The following MAN2A1 variants were observed in gnomAD, a reference collection of about 807,000 sequenced individuals.
MAN2A1 encodes the protein alpha-mannosidase 2.
MAN2A1 carries 76 observed loss-of-function variants against 142.6 expected under a neutral mutation model. The ratio of observed to expected loss-of-function variants is 0.53; its 90% CI spans 0.44 to 0.65. The LOEUF is 0.65. MAN2A1 is among the 30% of genes least tolerant of loss of function. MAN2A1 has a pLI of 0.00. For synonymous variants in MAN2A1, 559 were observed against 473.2 expected, an observed-to-expected ratio of 1.18 and a Z score of -2.35; for missense variants, 1,311 against 1,365.1, an observed-to-expected ratio of 0.96 and a Z score of 0.62.
At chr5:109,862,922 A>G (rs1186226425) in intron 20 of MAN2A1, 5 of 152,190 alleles carry the variant, frequency 3.3e-5, no homozygotes, top group Non-Finnish European at 7.4e-5. Context: ...TATGACTTTT[A>G]TCTCTATTTT....
At chr5:109,795,860 TC>T (rs1265913347) in intron 12 of MAN2A1, among the ~76,000 whole-genome samples, 1 of 152,212 alleles carries the variant, frequency 6.6e-6, no homozygotes, top group Non-Finnish European at 1.5e-5. Context: ...TTGACCATCT[TC>T]ATTTAATTGA....
chr5:109,709,436 G>A (rs1306560198), intron 1 of MAN2A1, among the ~76,000 whole-genome samples: 2 of 152,166 alleles, frequency 1.3e-5, no homozygotes, highest in African/African-American at 4.8e-5. Context: ...GCAGAGGGTT[G>A]GCCTTTGAAG....
At chr5:109,706,832 T>C (rs1006345830) in intron 1 of MAN2A1, among the ~76,000 whole-genome samples, 1 of 152,198 alleles carries the variant, frequency 6.6e-6, no homozygotes, top group African/African-American at 2.4e-5. Context: ...GTTTTGTTTC[T>C]TTTGAATGCT....
chr5:109,777,632 A>C (rs1301023598), intron 8 of MAN2A1, among the ~76,000 whole-genome samples: 1 of 152,000 alleles, frequency 6.6e-6, no homozygotes, highest in African/African-American at 2.4e-5. Context: ...ATTTTTGTTT[A>C]TCATTTGGTT....
At chr5:109,833,975 A>G (rs1423800902) in intron 16 of MAN2A1, among the ~76,000 whole-genome samples, 2 of 152,192 alleles carry the variant, frequency 1.3e-5, no homozygotes, top group Non-Finnish European at 1.5e-5. Context: ...GTTTTTGTTC[A>G]GTACCCACTA....
chr5:109,693,400 C>A (rs1173094953), intron 1 of MAN2A1, among the ~76,000 whole-genome samples: 1 of 151,124 alleles, frequency 6.6e-6, no homozygotes, highest in Non-Finnish European at 1.5e-5. Flanking sequence ...CCAAGCAGGT[C>A]GGTCACTATG....
At chr5:109,820,104 G>A (rs1315129946) in intron 14 of MAN2A1, 116 bp from the exon 15 acceptor site, 4 of 950,174 alleles carry the variant, frequency 4.2e-6, no homozygotes, top group African/African-American at 1.7e-5. Context: ...TGTGTCACTG[G>A]TCCACCAGAT....
chr5:109,815,364 G>A (rs1394594688), intron 12 of MAN2A1, among the ~76,000 whole-genome samples: 5 of 152,136 alleles, frequency 3.3e-5, no homozygotes, highest in Non-Finnish European at 7.3e-5. Context: ...CGTAAAATGG[G>A]ATTTTATCTA....
At chr5:109,706,070 A>T (rs1441334043) in intron 1 of MAN2A1, among the ~76,000 whole-genome samples, 1 of 152,214 alleles carries the variant, frequency 6.6e-6, no homozygotes, top group Non-Finnish European at 1.5e-5. Context: ...CTTTGACTAA[A>T]CATTATTCTG....
chr5:109,849,127 T>A (rs1451797951), intron 19 of MAN2A1, among the ~76,000 whole-genome samples: 4 of 152,174 alleles, frequency 2.6e-5, no homozygotes, highest in Non-Finnish European at 4.4e-5. Flanking sequence ...CAGTTCTTTA[T>A]CTCTCTAATA....
chr5:109,722,005 GGA>G (rs1359678844), intron 3 of MAN2A1, among the ~76,000 whole-genome samples: 1 of 152,194 alleles, frequency 6.6e-6, no homozygotes, highest in Non-Finnish European at 1.5e-5. Flanking sequence ...AGAAGTGGCA[GGA>G]GAGAGCATAA....
chr5:109,740,764 C>T (rs1433259200), intron 4 of MAN2A1, among the ~76,000 whole-genome samples: 1 of 152,158 alleles, frequency 6.6e-6, no homozygotes, highest in Non-Finnish European at 1.5e-5. Context: ...GCTGATTTTT[C>T]ATGCAGGGCA....
chr5:109,853,268 C>T (rs146204131), intron 19 of MAN2A1, among the ~76,000 whole-genome samples: 23 of 152,190 alleles, frequency 1.5e-4, no homozygotes, highest in Non-Finnish European at 1.3e-4. Flanking sequence ...GAGCAGTGTG[C>T]GGCTAACTCC....
chr5:109,729,269 G>T, intron 3 of MAN2A1, 73 bp from the exon 4 acceptor site: 3 of 908,702 alleles, frequency 3.3e-6, no homozygotes, highest in Non-Finnish European at 5.0e-6. Context: ...CCAAAGTAAT[G>T]CAATGGAATG....
chr5:109,815,145 A>G (rs182697340), intron 12 of MAN2A1, among the ~76,000 whole-genome samples: 1 of 152,160 alleles, frequency 6.6e-6, no homozygotes, highest in African/African-American at 2.4e-5. Context: ...CACCTTAGAA[A>G]TATAGGACAG....
Position 109,755,350 on chromosome 5 carries a change from T to A in MAN2A1, c.729T>A (p.Leu243=). Residue 243 remains leucine (L), a synonymous_variant, in exon 5 of 22, where the codon CTT becomes CTA. Coordinates refer to ENST00000261483, the MANE Select transcript of MAN2A1 (RefSeq NM_002372.4). The stretch of plus-strand genomic sequence containing the variant: ...CTAGTTTAATAGAAAATGGTCAGCT[T>A]GAAATTGTGACAGGTGGCTGGGTTA... The part of the protein sequence containing the change: ...AVKSLIENGQ[L]EIVTGGWVMP... 1 of 1,612,022 alleles carries A rather than the reference T, an allele frequency of 6.2e-7. No homozygotes were observed. Among genetic ancestry groups the A allele is most frequent in the African/African-American group, 1.3e-5 (1 of 75,020 alleles).
At position 109,695,751 on chromosome 5, in the gene MAN2A1, A is replaced by G. The variant is rs190985567; in HGVS notation, c.135+5199A>G. Among the ~76,000 whole-genome samples the G allele has an allele frequency of 2.6e-5, 4 of 152,334 alleles. No homozygotes were observed. In the East Asian group the frequency reaches 7.7e-4, roughly 29 times the overall value. ...AGCAGAACTAAGGCAAGGAGGAAGAACTCTAAAATAGTGATTTTTGCTTCT... is the reference window on the plus strand; with the variant it reads ...AGCAGAACTAAGGCAAGGAGGAAGAGCTCTAAAATAGTGATTTTTGCTTCT... On this transcript the variant is annotated intron_variant, in intron 1 of 21. Transcript: ENST00000261483.
chr5:109,735,878 G>A (rs1473044234), intron 4 of MAN2A1, among the ~76,000 whole-genome samples: 3 of 98,408 alleles, frequency 3.0e-5, no homozygotes, highest in African/African-American at 1.2e-4. Context: ...TTCCATTGGA[G>A]TTTTTTTTTT....
Position 109,868,176 on chromosome 5 carries a change from A to T in MAN2A1, c.*1178A>T, listed in dbSNP as rs991136862. The T allele has an allele frequency of 1.3e-5, 2 of 152,232 alleles. No homozygotes were observed. The highest frequency in any genetic ancestry group is 4.8e-5 in the African/African-American group (2 of 41,460). 9.4% of individuals were successfully genotyped at this position (152,232 alleles called of 1,614,324 possible). On this transcript the variant is annotated 3_prime_UTR_variant, in exon 22 of 22. Coordinates refer to ENST00000261483, the MANE Select transcript of MAN2A1 (RefSeq NM_002372.4). ...TGTTTCCATTTCACAGTAGTTAACTATATTAAAGAGAGAATGCTTTAAAAT... is the reference window on the plus strand; with the variant it reads ...TGTTTCCATTTCACAGTAGTTAACTTTATTAAAGAGAGAATGCTTTAAAAT...
Sources: gnomAD v4.1 joint callset for allele counts (sites outside exome capture counted in the v4.1 genomes callset) on GRCh38, gnomAD v4.1.1 for gene constraint, MANE v1.5 for transcripts, NCBI Gene and HGNC (gene_info 2026-07-23, HGNC 2026-07-21) for gene names.